Variants in SLC9B1 observed in about 807,000 individuals in gnomAD.
SLC9B1 encodes the protein solute carrier family 9 member B1, also known as sodium/hydrogen exchanger 9B1.
SLC9B1 carries 32 observed loss-of-function variants against 51.7 expected under a neutral mutation model. The observed-to-expected ratio is 0.62, with a 90% CI of 0.47 to 0.83. The LOEUF (loss-of-function observed/expected upper bound fraction) is 0.83. Among genes scored for constraint, SLC9B1 ranks in the 40% least tolerant of loss-of-function variants. The pLI, the probability that SLC9B1 is intolerant of heterozygous loss-of-function variation, is 0.00. For synonymous variants in SLC9B1, 145 were observed against 212.7 expected, an observed-to-expected ratio of 0.68 and a Z score of 2.77; for missense variants, 406 against 613.2, an observed-to-expected ratio of 0.66 and a Z score of 3.57.
At chr4:102,896,472 A>C (rs1305129323), downstream of SLC9B1, among the ~76,000 whole-genome samples, 1 of 152,202 alleles carries the variant, frequency 6.6e-6, no homozygotes, top group Non-Finnish European at 1.5e-5. Flanking sequence ...TTAGAACTGG[A>C]AAGAGCAATA....
chr4:102,923,135 C>T (rs1478673147), intron 7 of SLC9B1, among the ~76,000 whole-genome samples: 10 of 152,098 alleles, frequency 6.6e-5, no homozygotes, highest in Admixed American at 6.6e-4. Context: ...GACCAATATC[C>T]CTATGAACAT....
chr4:102,901,102 T>C lies in SLC9B1; in HGVS notation c.*15A>G, dbSNP rs1222670217. 1.9e-6 allele frequency: 3 copies of C among 1,610,166 alleles called. No homozygotes were observed. The highest frequency in any genetic ancestry group is 2.7e-5 in the African/African-American group (2 of 74,872). On this transcript the variant is annotated 3_prime_UTR_variant, in exon 12 of 12. Coordinates refer to ENST00000296422, the MANE Select transcript of SLC9B1 (RefSeq NM_139173.4). ...TTCATTAAAAGAAGCAGGCAGATGATGACAGGTAAACTTTTTAATGATGTT... is the reference window on the plus strand; with the variant it reads ...TTCATTAAAAGAAGCAGGCAGATGACGACAGGTAAACTTTTTAATGATGTT...
intron 8 of SLC9B1, 121 bp from the exon 9 acceptor site, chr4:102,910,709 C>T (rs1400535732): frequency 5.7e-5 from 26 of 458,206 alleles, no homozygotes; most frequent in Non-Finnish European, 8.3e-5. Flanking sequence ...TATTAAATGT[C>T]TAAAATTTTG....
At chr4:102,906,268 C>T (rs1430811530) in intron 10 of SLC9B1, 7 of 197,728 alleles carry the variant, frequency 3.5e-5, no homozygotes, top group South Asian at 2.3e-4. Context: ...AAGCGCTGAT[C>T]GTATCAAATA....
chr4:102,945,368 A>G (rs1737218907), intron 5 of SLC9B1, 48 bp from the exon 6 acceptor site: 3 of 1,475,124 alleles, frequency 2.0e-6, no homozygotes, highest in Non-Finnish European at 2.7e-6. Flanking sequence ...ATGGCCAACA[A>G]GAAAATTATT....
At chr4:102,931,847 A>C (rs1736475877) in intron 7 of SLC9B1, among the ~76,000 whole-genome samples, 1 of 152,238 alleles carries the variant, frequency 6.6e-6, no homozygotes, top group Non-Finnish European at 1.5e-5. Flanking sequence ...GAACTGATAA[A>C]ATTCCAAAGC....
At chr4:103,013,941 T>C (rs1741198887) in intron 1 of SLC9B1, among the ~76,000 whole-genome samples, 1 of 152,208 alleles carries the variant, frequency 6.6e-6, no homozygotes, top group Non-Finnish European at 1.5e-5. Flanking sequence ...TTTCCAACTT[T>C]TCCCCACATC....
At chr4:102,921,287 C>T (rs1442964551) in intron 7 of SLC9B1, among the ~76,000 whole-genome samples, 1 of 152,168 alleles carries the variant, frequency 6.6e-6, no homozygotes, top group Non-Finnish European at 1.5e-5. Flanking sequence ...ATTTTCAACT[C>T]AGAATTTCAT....
At chr4:102,961,259 A>T (rs1738101435) in intron 3 of SLC9B1, among the ~76,000 whole-genome samples, 1 of 152,296 alleles carries the variant, frequency 6.6e-6, no homozygotes. Flanking sequence ...TTTGATGCAA[A>T]GATAATTTTA....
rs1191443052 is a variant in SLC9B1, at chr4:102,910,283, T to G, written c.1086+156A>C. ...ATATTAGTATATTTCCAGGTGCTTT[T>G]CCTAAATATTTTCTTTCCTCGATTG... On this transcript the variant is annotated intron_variant, in intron 9 of 11. Transcript: ENST00000296422. Among the ~76,000 whole-genome samples the G allele has an allele frequency of 2.3e-4, 35 of 152,170 alleles. 1 individual carries two copies. The highest frequency in any genetic ancestry group is 2.3e-3 in the Admixed American group (35 of 15,274).
At position 102,888,427 on chromosome 4, in the gene SLC9B1, A is replaced by T. The variant is rs557453240; in HGVS notation, c.1333-3099T>A. 3.3e-5 allele frequency: 5 copies of T among 152,286 alleles called. 1 individual carries two copies. The South Asian group carries it at 1.0e-3, about 32-fold the overall frequency. 9.4% of individuals were successfully genotyped at this position (152,286 alleles called of 1,614,324 possible). ...TCCGTACACATGAGTTTCACATCCC[A>T]TGCACAAATGCTGATCTGTGTGACC... On this transcript the variant is annotated intron_variant, in intron 11 of 11. Transcript: ENST00000394789.
intron 7 of SLC9B1, among the ~76,000 whole-genome samples, chr4:102,913,633 A>C (rs1735445126): frequency 6.6e-6 from 1 of 151,994 alleles, no homozygotes; most frequent in African/African-American, 2.4e-5. Flanking sequence ...GAGCAAAATA[A>C]ATCTCCAGAA....
intron 7 of SLC9B1, among the ~76,000 whole-genome samples, chr4:102,917,471 A>G (rs1021953157): frequency 7.3e-5 from 11 of 150,956 alleles, no homozygotes; most frequent in Non-Finnish European, 1.2e-4. Flanking sequence ...ATCTATATCT[A>G]TATCTATATC....
At chr4:103,014,960 A>G (rs1227382249) in intron 1 of SLC9B1, 1 of 152,206 alleles carries the variant, frequency 6.6e-6, no homozygotes, top group Non-Finnish European at 1.5e-5. Context: ...TGAGATAAAG[A>G]GAAAATAAAA....
intron 3 of SLC9B1, among the ~76,000 whole-genome samples, chr4:102,984,063 T>C (rs1289041718): frequency 1.3e-5 from 2 of 152,094 alleles, no homozygotes; most frequent in Non-Finnish European, 2.9e-5. Context: ...CTGCATCCCA[T>C]AAATTTTGAT....
At chr4:102,885,283 T>C (rs1203631237) in exon 12 of SLC9B1, 1 of 1,614,124 alleles carries the variant, frequency 6.2e-7, no homozygotes, top group Non-Finnish European at 8.5e-7. Context: ...TTGCAGTTCG[T>C]CCATTCCTCC....
chr4:102,984,529 T>C (rs762161190), intron 3 of SLC9B1, among the ~76,000 whole-genome samples: 10 of 152,222 alleles, frequency 6.6e-5, no homozygotes, highest in Non-Finnish European at 1.3e-4. Flanking sequence ...CTGTTACTGA[T>C]TTTTAGTTAA....
At chr4:102,982,006 C>T (rs1460758957) in intron 3 of SLC9B1, among the ~76,000 whole-genome samples, 1 of 152,010 alleles carries the variant, frequency 6.6e-6, no homozygotes, top group Non-Finnish European at 1.5e-5. Flanking sequence ...TTCTATGTTA[C>T]CATCTACATT....
At chr4:102,987,529 G>C (rs1739695937) in intron 3 of SLC9B1, among the ~76,000 whole-genome samples, 1 of 152,042 alleles carries the variant, frequency 6.6e-6, no homozygotes, top group South Asian at 2.1e-4. Flanking sequence ...GTTAGGCTCT[G>C]ATAAAAACAT....
Sources: gnomAD v4.1 joint callset for allele counts (sites outside exome capture counted in the v4.1 genomes callset) on GRCh38, gnomAD v4.1.1 for gene constraint, MANE v1.5 for transcripts, NCBI Gene and HGNC (gene_info 2026-07-23, HGNC 2026-07-21) for gene names.